The following KCNT2 variants were observed in gnomAD, a reference collection of about 807,000 sequenced individuals.
KCNT2 encodes the protein potassium sodium-activated channel subfamily T member 2.
KCNT2 carries 67 observed loss-of-function variants against 153.8 expected under a neutral mutation model. The observed-to-expected ratio is 0.44, with a 90% confidence interval of 0.36 to 0.53. The LOEUF (loss-of-function observed/expected upper bound fraction) is 0.53. KCNT2 is among the 20% of genes least tolerant of loss of function. KCNT2 has a pLI of 0.00. For synonymous variants in KCNT2, 500 were observed against 458.8 expected (o/e 1.09, Z -1.15); for missense variants, 975 against 1,354.8 (o/e 0.72, Z 4.40).
At chr1:196,430,171 G>A (rs1260622510) in intron 8 of KCNT2, among the ~76,000 whole-genome samples, 1 of 151,566 alleles carries the variant, frequency 6.6e-6, no homozygotes, top group Non-Finnish European at 1.5e-5. Context: ...TTAGGAAGAA[G>A]AGAAAGACAG....
chr1:196,392,562 G>A (rs1670585591), intron 13 of KCNT2, among the ~76,000 whole-genome samples: 2 of 151,350 alleles, frequency 1.3e-5, no homozygotes, highest in Admixed American at 1.3e-4. Flanking sequence ...TGAAAGTCAA[G>A]CCTGCACATC....
chr1:196,259,712 A>G (rs968117948), intron 25 of KCNT2: 4 of 151,998 alleles, frequency 2.6e-5, no homozygotes, highest in African/African-American at 7.2e-5. Context: ...CTCACACTTA[A>G]TTTCATCCAA....
chr1:196,379,342 G>A (rs1474869652), intron 13 of KCNT2, among the ~76,000 whole-genome samples: 1 of 151,978 alleles, frequency 6.6e-6, no homozygotes, highest in Non-Finnish European at 1.5e-5. Flanking sequence ...AGCTGGAGGC[G>A]GGCACATCAT....
chr1:196,340,541 C>G lies in KCNT2; in HGVS notation c.1583G>C (p.Arg528Thr). 1 of 1,589,048 alleles carries G rather than the reference C, an allele frequency of 6.3e-7. No individual in the cohort carries two copies. The highest frequency in any genetic ancestry group is 8.6e-7 in the Non-Finnish European group (1 of 1,169,324). The change falls in exon 16 of 28, where the codon AGG (arginine) becomes ACG (threonine). Residue 528 changes from arginine to threonine, a missense_variant. Coordinates refer to ENST00000294725, the MANE Select transcript of KCNT2 (RefSeq NM_198503.5). ...KFGVCLIGVR[R>T]EDNKNILLNP... ...CAGCAAAATGTTTTTATTATCCTCC[C>G]TCCTAACACCAATCAAGCAGACGCC... is the stretch of plus-strand genomic sequence containing the variant.
At chr1:196,377,741 C>CT (rs941356927) in intron 13 of KCNT2, among the ~76,000 whole-genome samples, 3 of 152,052 alleles carry the variant, frequency 2.0e-5, no homozygotes, top group Non-Finnish European at 2.9e-5. Flanking sequence ...AAAATGAACA[C>CT]TTGCAGAATT....
chr1:196,385,754 C>A (rs1336380528), intron 13 of KCNT2, among the ~76,000 whole-genome samples: 1 of 127,300 alleles, frequency 7.9e-6, no homozygotes, highest in African/African-American at 2.6e-5. Flanking sequence ...TAGTATGGCA[C>A]CATTTCTGCA....
chr1:196,523,260 T>C (rs936463677), intron 1 of KCNT2, among the ~76,000 whole-genome samples: 1 of 151,956 alleles, frequency 6.6e-6, no homozygotes, highest in Non-Finnish European at 1.5e-5. Context: ...TCCAGACACA[T>C]CTGAACATCT....
chr1:196,434,139 G>A (rs1156606130), intron 8 of KCNT2, among the ~76,000 whole-genome samples: 8 of 151,870 alleles, frequency 5.3e-5, no homozygotes, highest in Non-Finnish European at 8.8e-5. Flanking sequence ...AACTAATTAC[G>A]AGAATATTCA....
At chr1:196,469,466 C>T (rs553096716) in intron 5 of KCNT2, among the ~76,000 whole-genome samples, 8 of 152,176 alleles carry the variant, frequency 5.3e-5, no homozygotes, top group African/African-American at 1.7e-4. Flanking sequence ...GTTTGTGAAA[C>T]GTACCCTTGT....
At chr1:196,492,667 G>A (rs1180543432) in intron 1 of KCNT2, among the ~76,000 whole-genome samples, 2 of 152,074 alleles carry the variant, frequency 1.3e-5, no homozygotes, top group Non-Finnish European at 2.9e-5. Flanking sequence ...CAGCAATAAT[G>A]CAAAAGTCTT....
chr1:196,521,037 G>T (rs1044098835), intron 1 of KCNT2, among the ~76,000 whole-genome samples: 4 of 152,046 alleles, frequency 2.6e-5, no homozygotes, highest in Non-Finnish European at 5.9e-5. Context: ...GAAAATATTT[G>T]CTAACTATAC....
chr1:196,388,567 T>A (rs754980159), intron 13 of KCNT2, among the ~76,000 whole-genome samples: 11 of 151,770 alleles, frequency 7.2e-5, no homozygotes, highest in Non-Finnish European at 1.5e-4. Context: ...TTTAAGAATT[T>A]CTCTCAGCAA....
chr1:196,546,998 A>G (rs1657189706), intron 1 of KCNT2, among the ~76,000 whole-genome samples: 1 of 152,036 alleles, frequency 6.6e-6, no homozygotes, highest in Admixed American at 6.6e-5. Context: ...AAAAAAATCA[A>G]TGCCTGAAAA....
In KCNT2 at chr1:196,258,278, G is replaced by A; in HGVS notation, c.3127C>T (p.Leu1043Phe). The A allele has an allele frequency of 4.3e-6, 7 of 1,614,042 alleles. No homozygotes were observed. The highest frequency in any genetic ancestry group is 5.9e-6 in the Non-Finnish European group (7 of 1,179,972). The change falls in exon 26 of 28, where the codon CTC (leucine) becomes TTC (phenylalanine). Residue 1043 changes from leucine (L) to phenylalanine (F), a missense_variant. By Grantham distance (22) the Leu-to-Phe change is conservative (BLOSUM62 0). Transcript: ENST00000294725. ...AEKITQQRLNLYRRSERQELA... is the reference protein window; with the variant it reads ...AEKITQQRLNFYRRSERQELA... Reference sequence around the variant, plus strand: ...TCTTGTCTTTCTGACCTCCTGTAGAGGTTCAGTCGCTGCTGGGTTATTTTT... The same window carrying A: ...TCTTGTCTTTCTGACCTCCTGTAGAAGTTCAGTCGCTGCTGGGTTATTTTT...
chr1:196,577,977 A>G (rs893432332), intron 1 of KCNT2, among the ~76,000 whole-genome samples: 1 of 152,184 alleles, frequency 6.6e-6, no homozygotes, highest in African/African-American at 2.4e-5. Context: ...GTTATTTTAA[A>G]ACGTGTAATT....
intron 1 of KCNT2, among the ~76,000 whole-genome samples, chr1:196,560,886 A>G (rs1659290921): frequency 6.6e-6 from 1 of 151,932 alleles, no homozygotes; most frequent in African/African-American, 2.4e-5. Context: ...TCTTTGTAGT[A>G]CCTTAATAGA....
chr1:196,251,498 G>A (rs576121564), intron 26 of KCNT2, among the ~76,000 whole-genome samples: 89 of 152,060 alleles, frequency 5.9e-4, no homozygotes, highest in Admixed American at 2.6e-3. Flanking sequence ...AATAAGCCAG[G>A]AACAGAAATA....
At chr1:196,434,793 A>C (rs1295297292) in intron 8 of KCNT2, among the ~76,000 whole-genome samples, 5 of 151,834 alleles carry the variant, frequency 3.3e-5, no homozygotes, top group Non-Finnish European at 5.9e-5. Context: ...AAGCCTTAAG[A>C]GACATTGCAG....
intron 22 of KCNT2, among the ~76,000 whole-genome samples, chr1:196,289,272 G>A (rs1381554692): frequency 6.6e-6 from 1 of 151,854 alleles, no homozygotes; most frequent in East Asian, 1.9e-4. Context: ...CTTAAAACCT[G>A]TCTTTCTGCA....
Sources: gnomAD v4.1 joint callset for allele counts (sites outside exome capture counted in the v4.1 genomes callset) on GRCh38, gnomAD v4.1.1 for gene constraint, MANE v1.5 for transcripts, NCBI Gene and HGNC (gene_info 2026-07-23, HGNC 2026-07-21) for gene names.